The following FMN1 variants were observed in gnomAD, a reference collection of about 807,000 sequenced individuals.
FMN1 encodes the protein formin 1, also known as formin-1.
In FMN1, 110 loss-of-function variants were observed where a neutral mutation model predicts 132.4. The observed-to-expected ratio is 0.83, with a 90% CI of 0.71 to 0.97. The LOEUF (loss-of-function observed/expected upper bound fraction) is 0.97, where lower values mean the gene tolerates loss of function less well. FMN1 is among the 50% of genes least tolerant of loss of function. The pLI is 0.00. For missense variants in FMN1, 1,792 were observed against 1,705.3 expected (o/e 1.05, Z -0.90); for synonymous variants, 722 against 651.7 (o/e 1.11, Z -1.64).
chr15:32,819,826 C>A (rs2058161347), intron 17 of FMN1, among the ~76,000 whole-genome samples: 3 of 152,000 alleles, frequency 2.0e-5, no homozygotes, highest in African/African-American at 7.3e-5. Flanking sequence ...TGAAACAATG[C>A]TGTTATTATT....
intron 17 of FMN1, among the ~76,000 whole-genome samples, chr15:32,829,301 G>A (rs963454581): frequency 1.2e-4 from 19 of 152,256 alleles, no homozygotes; most frequent in African/African-American, 3.1e-4. Flanking sequence ...AAAAACATGC[G>A]CTCCGGCGAA....
At chr15:33,157,263 CA>C (rs57411775) in intron 3 of FMN1, among the ~76,000 whole-genome samples, 7,605 of 120,356 alleles carry the variant, frequency 0.063, 490 homozygotes, top group African/African-American at 0.18. Context: ...GACTCCATCT[CA>C]AAAAAAAAAA....
intron 4 of FMN1, among the ~76,000 whole-genome samples, chr15:33,108,257 A>AC (rs2039560998): frequency 6.6e-6 from 1 of 151,924 alleles, no homozygotes; most frequent in South Asian, 2.1e-4. Context: ...AAGATATGAA[A>AC]CTCAATCAGA....
At chr15:33,105,893 C>T (rs1595481799) in intron 4 of FMN1, 2 of 152,094 alleles carry the variant, frequency 1.3e-5, no homozygotes, top group South Asian at 4.1e-4. Flanking sequence ...TGAGCTTGTA[C>T]TGTCTCCTAT....
intron 4 of FMN1, among the ~76,000 whole-genome samples, chr15:33,133,924 A>G (rs1963652815): frequency 6.6e-6 from 1 of 152,156 alleles, no homozygotes; most frequent in South Asian, 2.1e-4. Flanking sequence ...AATAAATTAC[A>G]AAATTAGATA....
intron 4 of FMN1, among the ~76,000 whole-genome samples, chr15:33,128,731 A>C (rs1034958410): frequency 2.0e-5 from 3 of 152,226 alleles, no homozygotes; most frequent in Non-Finnish European, 4.4e-5. Context: ...GACAGCTCTT[A>C]AAGGTGATGT....
chr15:32,864,934 G>A lies in FMN1; in HGVS notation c.3836-7827C>T, dbSNP rs560877210. On this transcript the variant is annotated intron_variant, in intron 16 of 20. Coordinates refer to ENST00000616417, the MANE Select transcript of FMN1 (RefSeq NM_001277313.2). ...GAAATATTTGGCCATTAAAACAAAT[G>A]AAGTACAAGTACATACTACTACATA... is the stretch of plus-strand genomic sequence containing the variant. Among the ~76,000 whole-genome samples the A allele has an allele frequency of 2.0e-5, 3 of 152,234 alleles. No individual in the cohort carries two copies. In the South Asian group the frequency reaches 6.2e-4, roughly 32 times the overall value.
chr15:32,798,122 G>T (rs530555187), intron 19 of FMN1, among the ~76,000 whole-genome samples: 4 of 151,370 alleles, frequency 2.6e-5, no homozygotes, highest in Admixed American at 6.6e-5. Context: ...AAAATGATCA[G>T]GCAGAAATGC....
rs549562215 is a variant in FMN1, at chr15:32,924,252, A to G, written c.3226+1922T>C. On this transcript the variant is annotated intron_variant, in intron 10 of 20. Coordinates refer to ENST00000616417, the MANE Select transcript of FMN1 (RefSeq NM_001277313.2). ...ACTGTATCTGAGGTTTCATATTCAC[A>G]CTTATGTATTCAGCTCTGTTAATGA... 1.2e-4 allele frequency among the ~76,000 whole-genome samples: 19 copies of G among 152,262 alleles called. No homozygotes were observed. The East Asian group carries it at 1.7e-3, about 14-fold the overall frequency.
rs1482003368 is a variant in FMN1 at position 33,154,740 on chromosome 15, T to C, written c.175A>G (p.Ile59Val). 3.3e-6 allele frequency: 5 copies of C among 1,536,140 alleles called. No homozygotes were observed. The Admixed American group carries it at 9.8e-5, about 30-fold the overall frequency. The part of the protein sequence containing the change: ...NCYQVREESD[I>V]ISLSQEPDEH... ...TCCGGCTCCTGGCTGAGGCTGATGA[T>C]GTCTGACTCCTCCCTGACTTGGTAG... The change falls in exon 4 of 21, where the codon ATC (isoleucine) becomes GTC (valine). Residue 59 changes from isoleucine (I) to valine (V), a missense_variant. Physicochemically the swap from Ile to Val is conservative, Grantham distance 29 (BLOSUM62 3). Transcript: ENST00000616417.
intron 4 of FMN1, among the ~76,000 whole-genome samples, chr15:33,138,708 T>G (rs921278583): frequency 6.6e-6 from 1 of 152,164 alleles, no homozygotes; most frequent in African/African-American, 2.4e-5. Context: ...AGAGCTATGA[T>G]TTAGGGCTCC....
At chr15:32,899,296 A>G (rs565576585) in intron 14 of FMN1, among the ~76,000 whole-genome samples, 1 of 152,250 alleles carries the variant, frequency 6.6e-6, no homozygotes, top group Admixed American at 6.5e-5. Flanking sequence ...GGTGTGAAAA[A>G]CAATCCAGGC....
chr15:33,120,000 T>C (rs921005757), intron 4 of FMN1, among the ~76,000 whole-genome samples: 9 of 152,170 alleles, frequency 5.9e-5, no homozygotes, highest in Admixed American at 1.3e-4. Context: ...AGGAATGCGA[T>C]GGTAAGGATT....
At chr15:32,791,019 A>C (rs763599443) in intron 19 of FMN1, among the ~76,000 whole-genome samples, 4 of 152,220 alleles carry the variant, frequency 2.6e-5, no homozygotes, top group Non-Finnish European at 5.9e-5. Context: ...CCCTTGAAAG[A>C]CGACTCTATT....
At chr15:32,921,684 T>TTTC (rs2060827773) in intron 10 of FMN1, among the ~76,000 whole-genome samples, 1 of 151,408 alleles carries the variant, frequency 6.6e-6, no homozygotes, top group African/African-American at 2.4e-5. Context: ...TTTTTCTTTT[T>TTTC]TTTTTTTTCG....
At position 33,119,617 on chromosome 15, in the gene FMN1, T is replaced by C. The variant is rs553234666; in HGVS notation, c.1868-30643A>G. 2.0e-5 allele frequency among the ~76,000 whole-genome samples: 3 copies of C among 152,354 alleles called. No homozygotes were observed. The South Asian group carries it at 6.2e-4, about 32-fold the overall frequency. ...TCTTGAAGAGCTTGCTTTTATTTTC[T>C]TTCTCTTTCAAGGGATAGAAGTGAT... On this transcript the variant is annotated intron_variant, in intron 4 of 20. Transcript: ENST00000616417.
Position 32,862,602 on chromosome 15 carries a change from C to A in FMN1, c.3836-5495G>T, listed in dbSNP as rs553374727. Reference sequence around the variant, plus strand: ...AATTATCTGTTTTTTGTTTTTCACCCCTAAGAACAAGGGAATAAAGCTTAT... The same window carrying A: ...AATTATCTGTTTTTTGTTTTTCACCACTAAGAACAAGGGAATAAAGCTTAT... On this transcript the variant is annotated intron_variant, in intron 16 of 20. Coordinates refer to ENST00000616417, the MANE Select transcript of FMN1 (RefSeq NM_001277313.2). Among the ~76,000 whole-genome samples, 3 of 152,144 alleles carry A rather than the reference C, an allele frequency of 2.0e-5. No homozygotes were observed. In the South Asian group the frequency reaches 6.2e-4, roughly 32 times the overall value.
At chr15:33,027,362 T>G (rs549273631) in intron 6 of FMN1, among the ~76,000 whole-genome samples, 1 of 152,340 alleles carries the variant, frequency 6.6e-6, no homozygotes, top group South Asian at 2.1e-4. Context: ...CATTCAATAT[T>G]TGAAATATAC....
At position 32,766,396 on chromosome 15, in the gene FMN1, GTTAC is replaced by G. The variant is rs1184361208; in HGVS notation, c.*7910_*7913del. 2.0e-5 allele frequency: 3 copies of G among 152,130 alleles called. No individual in the cohort carries two copies. The highest frequency in any genetic ancestry group is 4.1e-4 in the South Asian group (2 of 4,824). 9.4% of individuals were successfully genotyped at this position (152,130 alleles called of 1,614,324 possible). ...GTCAATTTGTCCAGCACCACAGAAA[GTTAC>G]TTGAGATTCAAAAATCTGGCGTTCT... On this transcript the variant is annotated 3_prime_UTR_variant, in exon 21 of 21. Transcript: ENST00000616417.
Sources: allele counts gnomAD v4.1 joint callset (sites outside exome capture counted in the v4.1 genomes callset), GRCh38; gene constraint gnomAD v4.1.1; transcripts MANE v1.5; gene names NCBI Gene and HGNC (gene_info 2026-07-23, HGNC 2026-07-21).